The following DOCK3 variants were observed in gnomAD, a reference collection of about 807,000 sequenced individuals.
DOCK3 encodes the protein dedicator of cytokinesis protein 3.
Under a neutral mutation model 265.6 loss-of-function variants are expected in DOCK3, and 60 were observed. The observed-to-expected ratio is 0.23, with a 90% CI of 0.18 to 0.28. DOCK3 has a LOEUF of 0.28. Among genes scored for constraint, DOCK3 ranks in the 10% least tolerant of loss-of-function variants. DOCK3 has a pLI of 1.00. For missense variants in DOCK3, 1,981 were observed against 2,594.3 expected, an observed-to-expected ratio of 0.76 and a Z score of 5.14; for synonymous variants, 881 against 938.0, an observed-to-expected ratio of 0.94 and a Z score of 1.11.
At chr3:51,034,956 C>G (rs748658709) in intron 5 of DOCK3, among the ~76,000 whole-genome samples, 2 of 151,980 alleles carry the variant, frequency 1.3e-5, no homozygotes, top group Non-Finnish European at 2.9e-5. Flanking sequence ...TGATCATGTT[C>G]TGCTCTATGT....
At chr3:51,128,690 A>G (rs1462621306) in intron 9 of DOCK3, among the ~76,000 whole-genome samples, 2 of 152,184 alleles carry the variant, frequency 1.3e-5, no homozygotes, top group Non-Finnish European at 2.9e-5. Context: ...AACCTGCCAC[A>G]GCTGGCTGAT....
At chr3:50,767,850 T>G (rs569634450) in intron 1 of DOCK3, among the ~76,000 whole-genome samples, 11 of 152,262 alleles carry the variant, frequency 7.2e-5, no homozygotes, top group Admixed American at 5.2e-4. Context: ...TTGTAAGTTG[T>G]ATTCCTAGGT....
intron 14 of DOCK3, among the ~76,000 whole-genome samples, chr3:51,220,709 G>GTATATATATATATA (rs3073874): frequency 2.6e-4 from 34 of 132,378 alleles, no homozygotes; most frequent in East Asian, 4.5e-4. Context: ...GTGTGTGTGT[G>GTATATATATATATA]TATATATATA....
At chr3:51,213,009 T>C (rs2108204766) in intron 13 of DOCK3, among the ~76,000 whole-genome samples, 1 of 152,254 alleles carries the variant, frequency 6.6e-6, no homozygotes, top group East Asian at 1.9e-4. Context: ...ATACTTTTCT[T>C]GCCAAATAAA....
chr3:50,877,999 C>G (rs2047801311), intron 3 of DOCK3, among the ~76,000 whole-genome samples: 1 of 152,148 alleles, frequency 6.6e-6, no homozygotes. Context: ...CTGGTGATAC[C>G]CAGGCAAACA....
At chr3:51,258,448 CT>C (rs1296211680) in intron 22 of DOCK3, among the ~76,000 whole-genome samples, 3 of 152,164 alleles carry the variant, frequency 2.0e-5, no homozygotes, top group Non-Finnish European at 2.9e-5. Context: ...TTTGGTGAAT[CT>C]TTCCAGGTCT....
Position 51,229,719 on chromosome 3 carries a change from T to TTTG in DOCK3, c.1917+131_1917+133dup, listed in dbSNP as rs533052192. 1.7e-3 allele frequency: 1,346 copies of TTTG among 771,786 alleles called. 31 individuals carry two copies. The East Asian group carries it at 0.038, about 22-fold the overall frequency. The allele number at this position is 771,786 out of a possible 1,614,324, so 47.8% of individuals were successfully genotyped here. A position where few individuals can be genotyped will look rare whatever the true frequency, so the allele number is the denominator to read the frequency against. On this transcript the variant is annotated intron_variant, in intron 19 of 52. Transcript: ENST00000266037. The stretch of plus-strand genomic sequence containing the variant: ...CCGTCTGAGACTGTTTCATCAGATT[T>TTTG]TTGTTGTTGTTGTTGTTGTTGTTAG...
At chr3:50,715,733 G>C (rs542238042) in intron 1 of DOCK3, among the ~76,000 whole-genome samples, 1 of 152,214 alleles carries the variant, frequency 6.6e-6, no homozygotes, top group South Asian at 2.1e-4. Context: ...GTGTGAATTT[G>C]AGGGATTTTT....
chr3:50,764,254 A>G (rs2040718841), intron 1 of DOCK3, among the ~76,000 whole-genome samples: 2 of 152,316 alleles, frequency 1.3e-5, no homozygotes, highest in Admixed American at 1.3e-4. Flanking sequence ...AATAAATACT[A>G]CAGAAGCTGT....
chr3:51,090,743 C>T (rs944716217), intron 9 of DOCK3, among the ~76,000 whole-genome samples: 2 of 152,040 alleles, frequency 1.3e-5, no homozygotes, highest in African/African-American at 4.8e-5. Flanking sequence ...TGCAGGAAGC[C>T]CTGGGCCTTG....
At chr3:51,220,732 T>TATATATATAA (rs1242775735) in intron 14 of DOCK3, among the ~76,000 whole-genome samples, 1 of 144,550 alleles carries the variant, frequency 6.9e-6, no homozygotes, top group African/African-American at 2.5e-5. Flanking sequence ...TATATATATA[T>TATATATATAA]AAAATACTTG....
intron 10 of DOCK3, among the ~76,000 whole-genome samples, chr3:51,153,390 G>A (rs987951816): frequency 1.3e-5 from 2 of 152,156 alleles, no homozygotes; most frequent in Admixed American, 6.5e-5. Flanking sequence ...AGAGTGTCCC[G>A]ATTTTCCAGG....
chr3:50,906,650 CTCTTT>C (rs2049519993), intron 4 of DOCK3, among the ~76,000 whole-genome samples: 1 of 151,972 alleles, frequency 6.6e-6, no homozygotes, highest in Non-Finnish European at 1.5e-5. Flanking sequence ...TGGTTATTCT[CTCTTT>C]TCTTTGTTAT....
At chr3:50,932,511 G>A (rs2051125478) in intron 4 of DOCK3, among the ~76,000 whole-genome samples, 1 of 152,050 alleles carries the variant, frequency 6.6e-6, no homozygotes, top group African/African-American at 2.4e-5. Flanking sequence ...CATTGGTGTG[G>A]ACATTATAGA....
At chr3:50,971,405 G>A (rs2077229243) in intron 5 of DOCK3, among the ~76,000 whole-genome samples, 1 of 152,072 alleles carries the variant, frequency 6.6e-6, no homozygotes, top group Non-Finnish European at 1.5e-5. Flanking sequence ...GGTTCTGGAT[G>A]CTTTTAGTGG....
intron 10 of DOCK3, among the ~76,000 whole-genome samples, chr3:51,152,450 G>A (rs112984816): frequency 0.012 from 1,888 of 152,188 alleles, 45 homozygotes; most frequent in African/African-American, 0.041. Context: ...TCCTCCTTTA[G>A]CTCGGAGAAG....
chr3:51,355,907 T>C (rs1029375134), intron 41 of DOCK3, among the ~76,000 whole-genome samples, 182 bp from the exon 42 acceptor site: 3 of 152,066 alleles, frequency 2.0e-5, no homozygotes, highest in Non-Finnish European at 4.4e-5. Context: ...AGAGAGCAGA[T>C]AGAGATTTAC....
rs1252300209 is a variant in DOCK3, at chr3:50,842,088, A to C, written c.162+373A>C. ...AATGGAAAATATTTTCAAATAATCC[A>C]ATTAGATATTTCTCTAATCATAATT... On this transcript the variant is annotated intron_variant, in intron 3 of 52. Coordinates refer to ENST00000266037, the MANE Select transcript of DOCK3 (RefSeq NM_004947.5). 2.6e-5 allele frequency among the ~76,000 whole-genome samples: 4 copies of C among 152,220 alleles called. No individual in the cohort carries two copies. The South Asian group carries it at 8.3e-4, about 32-fold the overall frequency.
At chr3:51,348,960 AC>A in intron 39 of DOCK3, 22 bp downstream of exon 39, 1 of 992,764 alleles carries the variant, frequency 1.0e-6, no homozygotes, top group Non-Finnish European at 1.3e-6. Context: ...CCCTCCCCCC[AC>A]CCCAGCCCTG....
Sources: allele counts gnomAD v4.1 joint callset (sites outside exome capture counted in the v4.1 genomes callset), GRCh38; gene constraint gnomAD v4.1.1; transcripts MANE v1.5; gene names NCBI Gene and HGNC (gene_info 2026-07-23, HGNC 2026-07-21).